Variants in SRBD1 observed in about 807,000 individuals in gnomAD.
The protein encoded by SRBD1 is S1 RNA binding domain 1.
A neutral mutation model predicts 115.3 loss-of-function variants in SRBD1; 88 were observed. That is an observed-to-expected ratio of 0.76 (90% CI 0.64 to 0.91). SRBD1 has a LOEUF of 0.91. SRBD1 is among the 40% of genes least tolerant of loss of function. The probability of loss-of-function intolerance (pLI) is 0.00; values close to 1 mark genes in which losing one functional copy is unlikely to be tolerated. For synonymous variants in SRBD1, 509 were observed against 407.7 expected (o/e 1.25, Z -2.99); for missense variants, 1,385 against 1,177.4 (o/e 1.18, Z -2.58).
At chr2:45,436,898 A>C (rs139481389) in intron 16 of SRBD1, among the ~76,000 whole-genome samples, 7 of 152,330 alleles carry the variant, frequency 4.6e-5, no homozygotes, top group African/African-American at 1.7e-4. Context: ...AAACTCCTGG[A>C]ACTAATACGT....
At chr2:45,467,610 C>G (rs1669529344) in intron 16 of SRBD1, among the ~76,000 whole-genome samples, 1 of 152,152 alleles carries the variant, frequency 6.6e-6, no homozygotes, top group South Asian at 2.1e-4. Flanking sequence ...AGAAGAAAAA[C>G]CTGCATTTAT....
chr2:45,494,954 C>CA (rs1670411357), intron 14 of SRBD1, among the ~76,000 whole-genome samples: 1 of 151,862 alleles, frequency 6.6e-6, no homozygotes, highest in Non-Finnish European at 1.5e-5. Context: ...TGTTATGTTT[C>CA]AAAAAAGATG....
At chr2:45,451,682 CTTT>C (rs71898482) in intron 16 of SRBD1, among the ~76,000 whole-genome samples, 3 of 144,184 alleles carry the variant, frequency 2.1e-5, no homozygotes, top group Non-Finnish European at 4.6e-5. Context: ...ATCCTCCAAA[CTTT>C]TTTTTTTTTT....
chr2:45,423,145 T>C (rs1344577408), intron 16 of SRBD1, among the ~76,000 whole-genome samples: 1 of 152,202 alleles, frequency 6.6e-6, no homozygotes, highest in African/African-American at 2.4e-5. Flanking sequence ...TTGTTGGTAA[T>C]GATATTCTTG....
chr2:45,448,777 A>G (rs796109452), intron 16 of SRBD1, among the ~76,000 whole-genome samples: 4 of 152,314 alleles, frequency 2.6e-5, no homozygotes, highest in African/African-American at 9.6e-5. Flanking sequence ...CCAATGTGTC[A>G]TTATTTTTCT....
chr2:45,432,844 T>C (rs1209300036), intron 16 of SRBD1, among the ~76,000 whole-genome samples: 1 of 152,240 alleles, frequency 6.6e-6, no homozygotes, highest in Non-Finnish European at 1.5e-5. Context: ...GCTAGTCAGC[T>C]TTTGTTCTAA....
intron 10 of SRBD1, 77 bp downstream of exon 10, chr2:45,562,576 A>AT: frequency 8.9e-7 from 1 of 1,119,300 alleles, no homozygotes; most frequent in Non-Finnish European, 1.3e-6. Flanking sequence ...ACATCTTTAC[A>AT]TATCAGTACA....
At chr2:45,552,842 T>A (rs1167383364) in intron 11 of SRBD1, among the ~76,000 whole-genome samples, 1 of 152,180 alleles carries the variant, frequency 6.6e-6, no homozygotes, top group Non-Finnish European at 1.5e-5. Context: ...TCTGAACCCA[T>A]CTTAATTCAA....
intron 9 of SRBD1, among the ~76,000 whole-genome samples, chr2:45,566,742 G>C (rs1178774417): frequency 3.9e-5 from 6 of 152,166 alleles, no homozygotes. Flanking sequence ...CAATTATTAA[G>C]ATGATAAATA....
chr2:45,422,045 G>C (rs1199394773), intron 16 of SRBD1, among the ~76,000 whole-genome samples: 1 of 152,126 alleles, frequency 6.6e-6, no homozygotes, highest in East Asian at 1.9e-4. Context: ...AAATGGGTGG[G>C]TAGGAGATAG....
chr2:45,553,546 T>A, intron 11 of SRBD1, 77 bp downstream of exon 11: 5 of 908,462 alleles, frequency 5.5e-6, no homozygotes, highest in Non-Finnish European at 7.8e-6. Context: ...TCAACAAACA[T>A]TAGCTACACA....
chr2:45,397,232 G>A (rs1379077229), intron 19 of SRBD1, among the ~76,000 whole-genome samples: 2 of 152,102 alleles, frequency 1.3e-5, no homozygotes, highest in Non-Finnish European at 2.9e-5. Context: ...AAAAAACTAT[G>A]TAAACTGTGG....
intron 16 of SRBD1, among the ~76,000 whole-genome samples, chr2:45,463,517 G>GCCCC (rs1445197141): frequency 6.6e-6 from 1 of 151,994 alleles, no homozygotes; most frequent in Non-Finnish European, 1.5e-5. Flanking sequence ...CTCATAAGTG[G>GCCCC]CCCCCCATAG....
At chr2:45,495,791 G>A (rs1428127297) in intron 14 of SRBD1, among the ~76,000 whole-genome samples, 3 of 152,056 alleles carry the variant, frequency 2.0e-5, no homozygotes, top group African/African-American at 7.2e-5. Flanking sequence ...AAACATTCCA[G>A]GTTCACTGCT....
chr2:45,490,628 T>G (rs1317630641), intron 14 of SRBD1, among the ~76,000 whole-genome samples: 1 of 152,150 alleles, frequency 6.6e-6, no homozygotes, highest in Non-Finnish European at 1.5e-5. Flanking sequence ...ACTATTTAAA[T>G]AAAAGGAACT....
At chr2:45,556,832 G>T (rs772108198) in intron 10 of SRBD1, among the ~76,000 whole-genome samples, 1 of 152,132 alleles carries the variant, frequency 6.6e-6, no homozygotes, top group Non-Finnish European at 1.5e-5. Context: ...TAAAATGGGA[G>T]TAATAATAGT....
chr2:45,566,511 A>G (rs1672835429), intron 9 of SRBD1, among the ~76,000 whole-genome samples: 1 of 152,212 alleles, frequency 6.6e-6, no homozygotes, highest in African/African-American at 2.4e-5. Flanking sequence ...AGACAAATCT[A>G]TAGAGATAGA....
At chr2:45,419,935 T>C in intron 16 of SRBD1, 41 bp from the exon 17 acceptor site, 3 of 1,536,700 alleles carry the variant, frequency 2.0e-6, no homozygotes, top group Non-Finnish European at 2.7e-6. Context: ...GAAGGAGATG[T>C]AGTTCTTGGA....
chr2:45,482,148 A>G (rs141245460), intron 15 of SRBD1, among the ~76,000 whole-genome samples: 152 of 152,282 alleles, frequency 1.0e-3, no homozygotes, highest in African/African-American at 3.4e-3. Context: ...ATTTTTTAAA[A>G]TGTAGTATGT....
Sources: gnomAD v4.1 joint callset for allele counts (sites outside exome capture counted in the v4.1 genomes callset) on GRCh38, gnomAD v4.1.1 for gene constraint, MANE v1.5 for transcripts, NCBI Gene and HGNC (gene_info 2026-07-23, HGNC 2026-07-21) for gene names.